Variants in DDX25 observed in about 807,000 individuals in gnomAD.
The protein encoded by DDX25 is DEAD-box helicase 25, also known as ATP-dependent RNA helicase DDX25.
A neutral mutation model predicts 64.6 loss-of-function variants in DDX25; 70 were observed. That is an observed-to-expected ratio of 1.08 (90% CI 0.89 to 1.32). The LOEUF is 1.32. Ranked by LOEUF, DDX25 falls within the 40% of genes most tolerant of loss-of-function variation. DDX25 has a pLI of 0.00. For missense variants in DDX25, 587 were observed against 604.4 expected (o/e 0.97, Z 0.30); for synonymous variants, 211 against 213.3 (o/e 0.99, Z 0.09).
At chr11:125,903,377 G>A (rs571079), upstream of DDX25, 185,288 of 222,092 alleles carry the variant, frequency 0.83, 78,056 homozygotes, top group Admixed American at 0.89. Flanking sequence ...GGCCTGTGGC[G>A]GGACAGCAAT....
At chr11:125,909,227 C>T (rs1944933908) in intron 6 of DDX25, among the ~76,000 whole-genome samples, 1 of 152,200 alleles carries the variant, frequency 6.6e-6, no homozygotes. Flanking sequence ...TCTCAGTAAG[C>T]TTCCACTCTG....
intron 8 of DDX25, among the ~76,000 whole-genome samples, chr11:125,913,488 C>G (rs1342890258): frequency 6.6e-6 from 1 of 152,136 alleles, no homozygotes; most frequent in Admixed American, 6.5e-5. Context: ...GTGTCATTCT[C>G]TCTCTAAATT....
At chr11:125,916,802 A>T (rs1021562054) in intron 8 of DDX25, among the ~76,000 whole-genome samples, 2 of 152,102 alleles carry the variant, frequency 1.3e-5, no homozygotes, top group Admixed American at 6.5e-5. Context: ...ACTTTGCCCT[A>T]TGCTTCACAT....
rs2134289021 is a variant in DDX25 at position 125,925,400 on chromosome 11, T to A, written c.*2519T>A. ...AAAGCCATCCTGTGTCACAGCTGCA[T>A]TAACACGAACTGGCTAGTTTGGTGA... On this transcript the variant is annotated 3_prime_UTR_variant, in exon 12 of 12. Coordinates refer to ENST00000263576, the MANE Select transcript of DDX25 (RefSeq NM_013264.5). 2.2e-6 allele frequency: 1 copy of A among 456,302 alleles called. No homozygotes were observed. Among genetic ancestry groups the A allele is most frequent in the African/African-American group, 2.0e-5 (1 of 50,208 alleles). The allele number at this position is 456,302 out of a possible 1,614,324, so 28.3% of individuals were successfully genotyped here. A position where few individuals can be genotyped will look rare whatever the true frequency, so the allele number is the denominator to read the frequency against.
At chr11:125,918,109 G>A (rs111330139) in intron 9 of DDX25, among the ~76,000 whole-genome samples, 2,351 of 152,186 alleles carry the variant, frequency 0.015, 79 homozygotes, top group African/African-American at 0.053. Flanking sequence ...TCGAACTCCC[G>A]ACCTCAGGTG....
chr11:125,908,313 C>G lies in DDX25; in HGVS notation c.404+25C>G, dbSNP rs1944922347. ...CGTGAGTTTCCAGGGTAGTGGTATT[C>G]TACTTGGTTATGTTTAGTTTCTTAT... On this transcript the variant is annotated intron_variant, in intron 5 of 11. Transcript: ENST00000263576. 2.5e-6 allele frequency: 4 copies of G among 1,612,896 alleles called. No individual in the cohort carries two copies. In the Admixed American group the frequency reaches 5.0e-5, roughly 20 times the overall value.
chr11:125,904,844 C>G (rs914618612), intron 1 of DDX25: 9 of 572,492 alleles, frequency 1.6e-5, no homozygotes, highest in Non-Finnish European at 2.5e-5. Context: ...GTAGTCCCAG[C>G]TAGACCCCGA....
intron 6 of DDX25, among the ~76,000 whole-genome samples, chr11:125,909,922 G>T (rs1342246211): frequency 6.6e-6 from 1 of 152,148 alleles, no homozygotes; most frequent in Non-Finnish European, 1.5e-5. Flanking sequence ...AAAGTGCTGG[G>T]ATTACAGGTG....
Position 125,921,263 on chromosome 11 carries a change from A to C in DDX25, c.1274A>C (p.Tyr425Ser). Residue 425 changes from tyrosine to serine, a missense_variant, in exon 11 of 12, where the codon TAT (tyrosine) becomes TCT (serine). Physicochemically the swap from Tyr to Ser is moderately radical, Grantham distance 144. Coordinates refer to ENST00000263576, the MANE Select transcript of DDX25 (RefSeq NM_013264.5). This position sits in a 1 kb window ranked among gnomAD's most constrained non-coding sequence, Gnocchi z 4.1. The stretch of plus-strand genomic sequence containing the variant: ...GTAAAACAAGGAGAGGAGCCGGACT[A>C]TGAGACCTACCTCCACCGCATAGGG... ...LPVKQGEEPD[Y>S]ETYLHRIGRT... The C allele has an allele frequency of 1.9e-6, 3 of 1,613,324 alleles. No homozygotes were observed. The highest frequency in any genetic ancestry group is 2.5e-6 in the Non-Finnish European group (3 of 1,179,690).
intron 4 of DDX25, 114 bp from the exon 5 acceptor site, chr11:125,908,082 G>A (rs1944918207): frequency 2.4e-6 from 2 of 818,616 alleles, no homozygotes; most frequent in Non-Finnish European, 3.8e-6. Context: ...CCAAATACTA[G>A]TTTTAAAGCT....
Position 125,924,653 on chromosome 11 carries a change from CG to C in DDX25, c.*1776del. Reference sequence around the variant, plus strand: ...GCTTACCATAATTACCTGGAGAGCCCGGGGAAAAAAATACAGATTTCCTTCC... The same window carrying C: ...GCTTACCATAATTACCTGGAGAGCCCGGGAAAAAAATACAGATTTCCTTCC... On this transcript the variant is annotated 3_prime_UTR_variant, in exon 12 of 12. Transcript: ENST00000263576. The C allele has an allele frequency of 6.6e-6, 1 of 152,220 alleles. No individual in the cohort carries two copies. Among genetic ancestry groups the C allele is most frequent in the Non-Finnish European group, 1.5e-5 (1 of 68,012 alleles). 9.4% of individuals were successfully genotyped at this position (152,220 alleles called of 1,614,324 possible). A position where few individuals can be genotyped will look rare whatever the true frequency, so the allele number is the denominator to read the frequency against.
In DDX25 at chr11:125,918,655, G is replaced by T. The variant is rs202206859; in HGVS notation, c.1066G>T (p.Val356Leu). 7 of 1,613,836 alleles carry T rather than the reference G, an allele frequency of 4.3e-6. No homozygotes were observed. Among genetic ancestry groups the T allele is most frequent in the South Asian group, 2.2e-5 (2 of 91,058 alleles). ...QTRRNAKWLTVEMIQDGHQVS... is the reference protein window; with the variant it reads ...QTRRNAKWLTLEMIQDGHQVS... ...TCGTCGAAACGCTAAGTGGTTGACC[G>T]TGGAGATGATACAGGATGGCCACCA... The change falls in exon 10 of 12, where the codon GTG becomes TTG. Residue 356 changes from valine (V) to leucine (L), a missense_variant. By Grantham distance (32) the Val-to-Leu change is conservative (BLOSUM62 1). Transcript: ENST00000263576.
In DDX25 at chr11:125,921,339, A is replaced by G. The variant is rs771153084; in HGVS notation, c.1350A>G (p.Val450=). The G allele has an allele frequency of 2.5e-6, 4 of 1,613,908 alleles. No homozygotes were observed. The highest frequency in any genetic ancestry group is 3.3e-5 in the Admixed American group (2 of 60,008). ...GCCTTGCCTTCAACATGATTGAAGTAGATGAGCTGCCCTCGCTCATGAAAA... is the reference window on the plus strand; with the variant it reads ...GCCTTGCCTTCAACATGATTGAAGTGGATGAGCTGCCCTCGCTCATGAAAA... ...KKGLAFNMIE[V]DELPSLMKIQ... Residue 450 remains valine (V), a synonymous_variant, in exon 11 of 12, where the codon GTA becomes GTG. Coordinates refer to ENST00000263576, the MANE Select transcript of DDX25 (RefSeq NM_013264.5). The surrounding 1 kb of genome is among the most constrained non-coding windows in gnomAD (Gnocchi z 4.1).
At chr11:125,903,543 T>C (rs1451097384), upstream of DDX25, 1 of 151,906 alleles carries the variant, frequency 6.6e-6, no homozygotes, top group Non-Finnish European at 1.5e-5. Context: ...ACAAAAACAT[T>C]TACTATTAGA....
intron 1 of DDX25, 73 bp from the exon 2 acceptor site, chr11:125,905,139 C>T: frequency 7.3e-7 from 1 of 1,370,782 alleles, no homozygotes; most frequent in Non-Finnish European, 1.0e-6. Context: ...CTCCCAGCCC[C>T]TGTGGTAGGG....
chr11:125,908,175 T>C, intron 4 of DDX25, 21 bp from the exon 5 acceptor site: 1 of 1,488,486 alleles, frequency 6.7e-7, no homozygotes, highest in Non-Finnish European at 8.9e-7. Context: ...TCTGTAAGTG[T>C]TTGATTTTTT....
Position 125,923,004 on chromosome 11 carries a change from AT to A in DDX25, c.*124del. 1 of 804,186 alleles carries A rather than the reference AT, an allele frequency of 1.2e-6. No individual in the cohort carries two copies. Among genetic ancestry groups the A allele is most frequent in the Non-Finnish European group, 1.9e-6 (1 of 515,962 alleles). The allele number at this position is 804,186 out of a possible 1,614,324, so 49.8% of individuals were successfully genotyped here. A position where few individuals can be genotyped will look rare whatever the true frequency, so the allele number is the denominator to read the frequency against. ...GAAACTGTCACAGATGGCAAAATAAATGTCACGGTACTTAGTTTTAAGACAT... is the reference window on the plus strand; with the variant it reads ...GAAACTGTCACAGATGGCAAAATAAAGTCACGGTACTTAGTTTTAAGACAT... On this transcript the variant is annotated 3_prime_UTR_variant, in exon 12 of 12. Transcript: ENST00000263576.
In DDX25 at chr11:125,928,286, C is replaced by A. The variant is rs953691152; in HGVS notation, c.*5405C>A. On this transcript the variant is annotated 3_prime_UTR_variant, in exon 12 of 12. Transcript: ENST00000263576. ...AACATTCAAGTTTTTTTTCATGTTA[C>A]CACACAGTGTTTGGGATTATATTTT... 1.3e-5 allele frequency: 2 copies of A among 151,890 alleles called. No homozygotes were observed. Among genetic ancestry groups the A allele is most frequent in the African/African-American group, 2.4e-5 (1 of 41,390 alleles). The allele number at this position is 151,890 out of a possible 1,614,324, so 9.4% of individuals were successfully genotyped here.
chr11:125,925,444 G>A lies in DDX25; in HGVS notation c.*2563G>A, dbSNP rs1309789186. On this transcript the variant is annotated 3_prime_UTR_variant, in exon 12 of 12. Coordinates refer to ENST00000263576, the MANE Select transcript of DDX25 (RefSeq NM_013264.5). Reference sequence around the variant, plus strand: ...TTGGTGAGTCAACAATCCAAAGGCTGTTTTTTGCAGGGTGCAGCTCCTGTC... The same window carrying A: ...TTGGTGAGTCAACAATCCAAAGGCTATTTTTTGCAGGGTGCAGCTCCTGTC... The A allele has an allele frequency of 8.8e-6, 4 of 456,112 alleles. No homozygotes were observed. The highest frequency in any genetic ancestry group is 2.0e-5 in the African/African-American group (1 of 50,052). 28.3% of individuals were successfully genotyped at this position (456,112 alleles called of 1,614,324 possible). A position where few individuals can be genotyped will look rare whatever the true frequency, so the allele number is the denominator to read the frequency against.
Sources: gnomAD v4.1 joint callset for allele counts (sites outside exome capture counted in the v4.1 genomes callset) on GRCh38, gnomAD v4.1.1 for gene constraint, Gnocchi (gnomAD v3.1) non-coding constraint, MANE v1.5 for transcripts, NCBI Gene and HGNC (gene_info 2026-07-23, HGNC 2026-07-21) for gene names.